The following EYS variants were observed in gnomAD, a reference collection of about 807,000 sequenced individuals.
EYS encodes the protein protein eyes shut homolog.
In EYS, 250 loss-of-function variants were observed where a neutral mutation model predicts 282.1. The observed-to-expected ratio is 0.89, with a 90% CI of 0.80 to 0.98. The LOEUF (loss-of-function observed/expected upper bound fraction) is 0.98, where lower values mean the gene tolerates loss of function less well. Among genes scored for constraint, EYS ranks in the 50% least tolerant of loss-of-function variants. EYS has a pLI of 0.00. For missense variants in EYS, 4,016 were observed against 3,709.0 expected (o/e 1.08, Z -2.15); for synonymous variants, 1,355 against 1,282.9 (o/e 1.06, Z -1.20).
At chr6:63,765,260 C>T (rs1473718011) in intron 40 of EYS, among the ~76,000 whole-genome samples, 2 of 151,954 alleles carry the variant, frequency 1.3e-5, no homozygotes, top group Non-Finnish European at 2.9e-5. Flanking sequence ...TCATGGACTT[C>T]TGTATTTTGG....
chr6:65,693,016 C>A (rs1769299473), intron 1 of EYS, among the ~76,000 whole-genome samples: 1 of 149,822 alleles, frequency 6.7e-6, no homozygotes, highest in Non-Finnish European at 1.5e-5. Context: ...TAAATAAATA[C>A]CATACACTTC....
intron 2 of EYS, among the ~76,000 whole-genome samples, chr6:65,631,811 A>T (rs1766924671): frequency 6.6e-6 from 1 of 152,112 alleles, no homozygotes; most frequent in Non-Finnish European, 1.5e-5. Context: ...TGTGAGGCCA[A>T]ATTTTAGAAA....
chr6:65,165,458 C>T (rs1465397235), intron 12 of EYS, among the ~76,000 whole-genome samples: 7 of 150,976 alleles, frequency 4.6e-5, no homozygotes, highest in Admixed American at 6.6e-5. Flanking sequence ...AAACAGAATC[C>T]TATTTTTCAG....
At chr6:64,094,067 G>T (rs557117877) in intron 31 of EYS, among the ~76,000 whole-genome samples, 84 of 152,208 alleles carry the variant, frequency 5.5e-4, no homozygotes, top group African/African-American at 2.0e-3. Context: ...TTATTGATTT[G>T]CGTATGTGGA....
chr6:65,286,112 C>T (rs1288199784), intron 12 of EYS, among the ~76,000 whole-genome samples: 1 of 151,858 alleles, frequency 6.6e-6, no homozygotes, highest in East Asian at 1.9e-4. Context: ...AAAATTAATT[C>T]TCATTGAAAA....
intron 5 of EYS, chr6:65,489,454 A>T (rs1478959349): frequency 6.6e-6 from 1 of 152,242 alleles, no homozygotes; most frequent in Non-Finnish European, 1.5e-5. Flanking sequence ...TAGAATGGTG[A>T]TCATTAAAAA....
At chr6:64,254,349 G>T (rs1197800694) in intron 30 of EYS, among the ~76,000 whole-genome samples, 1 of 152,038 alleles carries the variant, frequency 6.6e-6, no homozygotes, top group Non-Finnish European at 1.5e-5. Flanking sequence ...CACTATGACA[G>T]ATTATTTCAG....
At chr6:64,271,403 T>C (rs1230429896) in intron 30 of EYS, among the ~76,000 whole-genome samples, 3 of 152,180 alleles carry the variant, frequency 2.0e-5, no homozygotes, top group Admixed American at 1.3e-4. Flanking sequence ...GTCCTACCAA[T>C]TGTGGCTTGT....
intron 19 of EYS, among the ~76,000 whole-genome samples, chr6:64,826,779 T>G (rs531175221): frequency 4.5e-4 from 68 of 151,118 alleles, no homozygotes; most frequent in African/African-American, 1.6e-3. Flanking sequence ...ACCCAACTTC[T>G]TCCCATTTGT....
chr6:63,807,593 TAAAC>T (rs1770939769), intron 36 of EYS, among the ~76,000 whole-genome samples: 1 of 152,200 alleles, frequency 6.6e-6, no homozygotes, highest in Non-Finnish European at 1.5e-5. Context: ...TTATGACTAT[TAAAC>T]TAAGATATTT....
chr6:63,831,960 A>G (rs1022437132), intron 36 of EYS, among the ~76,000 whole-genome samples: 1 of 152,236 alleles, frequency 6.6e-6, no homozygotes, highest in Non-Finnish European at 1.5e-5. Context: ...CTGCTCCTGA[A>G]TGACTACTGG....
chr6:65,152,412 T>C (rs897128434), intron 12 of EYS, among the ~76,000 whole-genome samples: 1 of 151,918 alleles, frequency 6.6e-6, no homozygotes, highest in Non-Finnish European at 1.5e-5. Flanking sequence ...TACATTAAAG[T>C]GAGACCACAA....
At chr6:64,753,048 G>A (rs1772815155) in intron 22 of EYS, among the ~76,000 whole-genome samples, 1 of 152,130 alleles carries the variant, frequency 6.6e-6, no homozygotes, top group Non-Finnish European at 1.5e-5. Context: ...CCAAACAAAT[G>A]CTAAGGAAAT....
intron 22 of EYS, among the ~76,000 whole-genome samples, chr6:64,654,107 A>G (rs1011437214): frequency 6.6e-6 from 1 of 152,162 alleles, no homozygotes; most frequent in African/African-American, 2.4e-5. Context: ...CATTATTTGT[A>G]TATGTCAGGT....
intron 11 of EYS, among the ~76,000 whole-genome samples, chr6:65,322,632 T>C (rs1769505350): frequency 6.6e-6 from 1 of 151,710 alleles, no homozygotes; most frequent in Non-Finnish European, 1.5e-5. Flanking sequence ...CCGTCTCTAC[T>C]AAAAATACAA....
At chr6:65,146,676 A>G (rs1764484217) in intron 12 of EYS, among the ~76,000 whole-genome samples, 1 of 152,086 alleles carries the variant, frequency 6.6e-6, no homozygotes, top group South Asian at 2.1e-4. Flanking sequence ...TTTCTTTTAC[A>G]AAAACAAATT....
chr6:65,570,143 T>C (rs1764429908), intron 2 of EYS, among the ~76,000 whole-genome samples: 2 of 151,972 alleles, frequency 1.3e-5, no homozygotes. Context: ...AAAAAAAAGT[T>C]ATTTTCCTCT....
At chr6:64,902,934 C>G (rs916021764) in intron 16 of EYS, among the ~76,000 whole-genome samples, 1 of 151,854 alleles carries the variant, frequency 6.6e-6, no homozygotes, top group African/African-American at 2.4e-5. Flanking sequence ...CTTTTTATAT[C>G]CAAGTGATTC....
intron 35 of EYS, among the ~76,000 whole-genome samples, chr6:63,953,531 C>T (rs991102095): frequency 2.0e-5 from 3 of 152,174 alleles, no homozygotes; most frequent in African/African-American, 7.2e-5. Context: ...TCTGGCTAAA[C>T]TCCAAAACCC....
Sources: allele counts gnomAD v4.1 joint callset (sites outside exome capture counted in the v4.1 genomes callset), GRCh38; gene constraint gnomAD v4.1.1; transcripts MANE v1.5; gene names NCBI Gene and HGNC (gene_info 2026-07-23, HGNC 2026-07-21).